Variants in EPHA10 observed in about 807,000 individuals in gnomAD.
EPHA10 encodes the protein ephrin type-A receptor 10.
A neutral mutation model predicts 109.7 loss-of-function variants in EPHA10; 120 were observed. The observed-to-expected ratio is 1.09, with a 90% CI of 0.94 to 1.27. The LOEUF (loss-of-function observed/expected upper bound fraction) is 1.27, where lower values mean the gene tolerates loss of function less well. Ranked by LOEUF, EPHA10 falls within the 50% of genes most tolerant of loss-of-function variation. The pLI is 0.00. For synonymous variants in EPHA10, 640 were observed against 618.9 expected (o/e 1.03, Z -0.51); for missense variants, 1,396 against 1,411.1 (o/e 0.99, Z 0.17).
chr1:37,719,004 G>C, intron 15 of EPHA10, 188 bp from the exon 16 acceptor site: 1 of 756,522 alleles, frequency 1.3e-6, no homozygotes, highest in Non-Finnish European at 2.1e-6. Context: ...CTTCAGGCAG[G>C]TGGAGGCAGA....
Position 37,734,011 on chromosome 1 carries a change from C to T in EPHA10, c.1491+1246G>A, listed in dbSNP as rs139143332. 4.4e-3 allele frequency among the ~76,000 whole-genome samples: 664 copies of T among 152,226 alleles called. 4 individuals carry two copies. The highest frequency in any genetic ancestry group is 0.015 in the African/African-American group (614 of 41,530). On this transcript the variant is annotated intron_variant, in intron 6 of 16. Transcript: ENST00000373048. ...GACTCTGGGTTACCCAGGTCAGACACCCAGCAGTGACTCAGGACTCTCTCC... is the reference window on the plus strand; with the variant it reads ...GACTCTGGGTTACCCAGGTCAGACATCCAGCAGTGACTCAGGACTCTCTCC...
At position 37,718,434 on chromosome 1, in the gene EPHA10, T is replaced by C. The variant is rs200996407; in HGVS notation, c.2965A>G (p.Ser989Gly). 6.6e-5 allele frequency: 106 copies of C among 1,613,302 alleles called. No individual in the cohort carries two copies. Among genetic ancestry groups the C allele is most frequent in the Non-Finnish European group, 8.6e-5 (102 of 1,180,012 alleles). The change falls in exon 17 of 17, where the codon AGC becomes GGC. Residue 989 changes from serine (S) to glycine (G), a missense_variant. Transcript: ENST00000373048. ...CGTGCCTGCAGGGCGCTGATCCCGC[T>C]GAGGAGGGCCTCTCGATGTTCAGCC... is the stretch of plus-strand genomic sequence containing the variant. ...SLAEHREALL[S>G]GISALQARVL...
chr1:37,715,141 TG>T (rs1432065175), downstream of EPHA10: 1 of 152,308 alleles, frequency 6.6e-6, no homozygotes, highest in Non-Finnish European at 1.5e-5. Flanking sequence ...GTGATTCTCC[TG>T]TGTCATCCTC....
Position 37,752,925 on chromosome 1 carries a change from G to C in EPHA10, c.1308C>G (p.Ala436=), listed in dbSNP as rs1646351760. The change falls in exon 5 of 17, where the codon GCC becomes GCG. Residue 436 remains alanine (A), a synonymous_variant. Transcript: ENST00000373048. The part of the protein sequence containing the change: ...AALNGVSGPA[A]AAGTTYAQVT... ...CCTGCGCGTAGGTGGTTCCCGCGGCGGCCGCCGGGCCCGAGACGCCGTTGA... is the reference window on the plus strand; with the variant it reads ...CCTGCGCGTAGGTGGTTCCCGCGGCCGCCGCCGGGCCCGAGACGCCGTTGA... 1.5e-6 allele frequency: 2 copies of C among 1,310,530 alleles called. No homozygotes were observed. The highest frequency in any genetic ancestry group is 4.3e-5 in the South Asian group (2 of 46,606). The allele number at this position is 1,310,530 out of a possible 1,614,324, so 81.2% of individuals were successfully genotyped here. A position where few individuals can be genotyped will look rare whatever the true frequency, so the allele number is the denominator to read the frequency against.
chr1:37,723,049 A>C lies in EPHA10; in HGVS notation c.1952T>G (p.Leu651Arg). 6.2e-7 allele frequency: 1 copy of C among 1,614,104 alleles called. No individual in the cohort carries two copies. Among genetic ancestry groups the C allele is most frequent in the Non-Finnish European group, 8.5e-7 (1 of 1,180,030 alleles). ...CTGGGCGCCCAGCTTGCCTCCTCCA[A>C]GGCTCCTCTCCAGCGTGACGCTTTT... Reference protein sequence around the residue: ...DAKSVTLERSLGGGRFGELCC... With the variant: ...DAKSVTLERSRGGGRFGELCC... The change falls in exon 10 of 17, where the codon CTT (leucine) becomes CGT (arginine). Residue 651 changes from leucine to arginine, a missense_variant. Coordinates refer to ENST00000373048, the MANE Select transcript of EPHA10 (RefSeq NM_001099439.2).
chr1:37,752,855 G>A (rs1302434264), intron 5 of EPHA10, 21 bp downstream of exon 5: 3 of 1,252,038 alleles, frequency 2.4e-6, no homozygotes, highest in East Asian at 3.2e-5. Flanking sequence ...GCCTCGGGGT[G>A]GGGGGCGCGG....
At chr1:37,751,734 G>A (rs952153616) in intron 5 of EPHA10, among the ~76,000 whole-genome samples, 5 of 151,520 alleles carry the variant, frequency 3.3e-5, no homozygotes, top group African/African-American at 7.3e-5. Context: ...TTAGCTGGGC[G>A]TGGTGGCATG....
In EPHA10 at chr1:37,754,812, T is replaced by C. The variant is rs1405554524; in HGVS notation, c.851-442A>G. Among the ~76,000 whole-genome samples the C allele has an allele frequency of 6.6e-6, 1 of 152,184 alleles. No homozygotes were observed. Among genetic ancestry groups the C allele is most frequent in the African/African-American group, 2.4e-5 (1 of 41,440 alleles). On this transcript the variant is annotated intron_variant, in intron 3 of 16. Transcript: ENST00000373048. This position sits in a 1 kb window ranked among gnomAD's most constrained non-coding sequence, Gnocchi z 4.5. ...CTTTTTATTTTATTTATTTTTTCTT[T>C]TTTCTTTTCGAGTCTCCTTCTATCA...
intron 5 of EPHA10, among the ~76,000 whole-genome samples, chr1:37,743,554 A>G (rs1646186821): frequency 6.6e-6 from 1 of 152,260 alleles, no homozygotes; most frequent in Non-Finnish European, 1.5e-5. Context: ...AAAAAATAAG[A>G]AGGAACCACA....
intron 3 of EPHA10, among the ~76,000 whole-genome samples, chr1:37,759,204 G>A: frequency 6.6e-6 from 1 of 152,022 alleles, no homozygotes. Flanking sequence ...CTCCCCATTG[G>A]CCTAAAGCAT....
Position 37,720,366 on chromosome 1 carries a change from A to G in EPHA10, c.2397T>C (p.Ala799=). ...FGRGPRDRSE[A]VYTTMSGRSP... is the part of the protein sequence containing the mutation. ...GCGCCCTCACCATAGTGGTGTAGAC[A>G]GCCTCTGATCGGTCCCGGGGGCCCC... Residue 799 remains alanine, a synonymous_variant, in exon 13 of 17, where the codon GCT becomes GCC. Transcript: ENST00000373048. 6.2e-7 allele frequency: 1 copy of G among 1,609,528 alleles called. No individual in the cohort carries two copies. Among genetic ancestry groups the G allele is most frequent in the Non-Finnish European group, 8.5e-7 (1 of 1,178,648 alleles).
At position 37,723,324 on chromosome 1, in the gene EPHA10, C is replaced by T. The variant is rs569847159; in HGVS notation, c.1821G>A (p.Glu607=). The change falls in exon 9 of 17, where the codon GAG becomes GAA. Residue 607 remains glutamate (E), a synonymous_variant. Coordinates refer to ENST00000373048, the MANE Select transcript of EPHA10 (RefSeq NM_001099439.2). ...KGGGDAHDEE[E]LYFHFKVPTR... is the part of the protein sequence containing the mutation. The stretch of plus-strand genomic sequence containing the variant: ...CAGCCAACTCACAGTGGAAATACAG[C>T]TCCTCTTCATCATGGGCATCCCCTC... 11 of 1,614,166 alleles carry T rather than the reference C, an allele frequency of 6.8e-6. No homozygotes were observed. The highest frequency in any genetic ancestry group is 4.5e-5 in the East Asian group (2 of 44,884).
rs1225941947 is a variant in EPHA10, at chr1:37,718,833, C to A, written c.2757-17G>T. ...GTGGGAGGCCTGCGGGTCAGAGGAG[C>A]TGTGCTCAACCGACAGCTGGGATCT... On this transcript the variant is annotated splice_polypyrimidine_tract_variant and intron_variant, in intron 15 of 16. Transcript: ENST00000373048. 3.8e-6 allele frequency: 6 copies of A among 1,595,460 alleles called. No individual in the cohort carries two copies. Among genetic ancestry groups the A allele is most frequent in the Non-Finnish European group, 4.3e-6 (5 of 1,170,076 alleles).
rs1466615727 is a variant in EPHA10, at chr1:37,764,892, G to A, written c.106+69C>T. 7.1e-7 allele frequency: 1 copy of A among 1,412,658 alleles called. No homozygotes were observed. The highest frequency in any genetic ancestry group is 1.4e-5 in the African/African-American group (1 of 70,428). 87.5% of individuals were successfully genotyped at this position (1,412,658 alleles called of 1,614,324 possible). On this transcript the variant is annotated intron_variant, in intron 1 of 16. Coordinates refer to ENST00000373048, the MANE Select transcript of EPHA10 (RefSeq NM_001099439.2). This position sits in a 1 kb window ranked among gnomAD's most constrained non-coding sequence, Gnocchi z 5.8. Reference sequence around the variant, plus strand: ...GTCTCTCCAATGACTCCTTCCCCCAGAACCCCCATCGCCAGCCCCCTATCT... The same window carrying A: ...GTCTCTCCAATGACTCCTTCCCCCAAAACCCCCATCGCCAGCCCCCTATCT...
At chr1:37,762,671 A>T (rs1239416937) in intron 2 of EPHA10, 114 bp downstream of exon 2, 4 of 864,798 alleles carry the variant, frequency 4.6e-6, no homozygotes, top group Non-Finnish European at 6.5e-6. Flanking sequence ...GGGCTGCTGG[A>T]GACCACACAC....
At chr1:37,748,284 G>C (rs1484820011) in intron 5 of EPHA10, among the ~76,000 whole-genome samples, 1 of 152,116 alleles carries the variant, frequency 6.6e-6, no homozygotes, top group African/African-American at 2.4e-5. Context: ...ACTGGAACCT[G>C]GGAGGTAGAG....
intron 5 of EPHA10, among the ~76,000 whole-genome samples, chr1:37,744,692 T>C (rs1646205206): frequency 6.6e-6 from 1 of 151,244 alleles, no homozygotes; most frequent in African/African-American, 2.4e-5. Context: ...AAAGCTTTTG[T>C]GATTGAAAGG....
chr1:37,744,604 G>A (rs1470063423), intron 5 of EPHA10, among the ~76,000 whole-genome samples: 1 of 151,846 alleles, frequency 6.6e-6, no homozygotes, highest in African/African-American at 2.4e-5. Context: ...AGGTTGCAGT[G>A]AGCCAAGATT....
At chr1:37,725,410 G>T (rs1298052889) in intron 8 of EPHA10, among the ~76,000 whole-genome samples, 1 of 145,474 alleles carries the variant, frequency 6.9e-6, no homozygotes, top group Non-Finnish European at 1.5e-5. Flanking sequence ...GGAGGCCGAG[G>T]CAAAAGAATC....
Sources: allele counts gnomAD v4.1 joint callset (sites outside exome capture counted in the v4.1 genomes callset), GRCh38; gene constraint gnomAD v4.1.1; non-coding constraint Gnocchi (gnomAD v3.1); transcripts MANE v1.5; gene names NCBI Gene and HGNC (gene_info 2026-07-23, HGNC 2026-07-21).